ARSB: variants seen among roughly 807,000 people sequenced by gnomAD.
ARSB encodes the protein N-acetylgalactosamine-4-sulfatase.
Under a neutral mutation model 50.9 loss-of-function variants are expected in ARSB, and 41 were observed. The ratio of observed to expected loss-of-function variants is 0.81; its 90% confidence interval spans 0.63 to 1.04. ARSB has a LOEUF of 1.04. Among genes scored for constraint, ARSB ranks in the 50% least tolerant of loss-of-function variants. ARSB has a pLI of 0.00. For missense variants in ARSB, 672 were observed against 693.3 expected, an observed-to-expected ratio of 0.97 and a Z score of 0.35; for synonymous variants, 269 against 284.8, an observed-to-expected ratio of 0.94 and a Z score of 0.56.
At chr5:78,809,158 T>A (rs141814813) in intron 6 of ARSB, among the ~76,000 whole-genome samples, 55 of 152,346 alleles carry the variant, frequency 3.6e-4, no homozygotes, top group Non-Finnish European at 7.1e-4. Flanking sequence ...TCTATCATAA[T>A]GGGCTAGAGC....
chr5:78,961,980 T>C lies in ARSB; in HGVS notation c.690+2436A>G, dbSNP rs184140282. 4.3e-4 allele frequency among the ~76,000 whole-genome samples: 66 copies of C among 152,274 alleles called. No individual in the cohort carries two copies. In the East Asian group the frequency reaches 0.012, roughly 29 times the overall value. On this transcript the variant is annotated intron_variant, in intron 3 of 7. Transcript: ENST00000264914. ...TTATAAGTTTCCCAGATGATTCTAA[T>C]ATATGGTCAGGACTGAAATCATTAA...
intron 1 of ARSB, among the ~76,000 whole-genome samples, chr5:78,976,644 A>G (rs902004838): frequency 6.6e-6 from 1 of 152,188 alleles, no homozygotes; most frequent in Non-Finnish European, 1.5e-5. Context: ...GAGAATATGT[A>G]CAATTAATTC....
At chr5:78,921,027 C>G (rs1039942274) in intron 4 of ARSB, among the ~76,000 whole-genome samples, 4 of 152,118 alleles carry the variant, frequency 2.6e-5, no homozygotes, top group Non-Finnish European at 5.9e-5. Context: ...AGTCTCTCCA[C>G]TCTCTCATAA....
chr5:78,969,268 C>T, intron 1 of ARSB, 76 bp from the exon 2 acceptor site: 2 of 1,477,680 alleles, frequency 1.4e-6, no homozygotes, highest in Middle Eastern at 2.1e-4. Context: ...TGGCCTTCTA[C>T]CTTACTGATC....
chr5:78,897,525 T>C (rs1057187863), intron 4 of ARSB, among the ~76,000 whole-genome samples: 1 of 152,212 alleles, frequency 6.6e-6, no homozygotes, highest in Non-Finnish European at 1.5e-5. Context: ...TAACAGCATA[T>C]GGAAAGAGGT....
chr5:78,975,021 C>T (rs1752606924), intron 1 of ARSB, among the ~76,000 whole-genome samples: 1 of 152,238 alleles, frequency 6.6e-6, no homozygotes, highest in African/African-American at 2.4e-5. Context: ...CAGCTCCCTC[C>T]TCCTGTGCCT....
At chr5:78,882,096 TG>T (rs1276783453) in intron 5 of ARSB, among the ~76,000 whole-genome samples, 1 of 152,246 alleles carries the variant, frequency 6.6e-6, no homozygotes, top group Non-Finnish European at 1.5e-5. Flanking sequence ...CTTCTGGATG[TG>T]GGGTTGGACC....
chr5:78,800,362 G>A (rs1026242154), intron 6 of ARSB, among the ~76,000 whole-genome samples: 1 of 149,736 alleles, frequency 6.7e-6, no homozygotes. Flanking sequence ...AGCAAAGTAG[G>A]AAGCTGTGCA....
chr5:78,933,113 G>A (rs1456869606), intron 4 of ARSB, among the ~76,000 whole-genome samples: 2 of 152,186 alleles, frequency 1.3e-5, no homozygotes. Context: ...TTTTATATGT[G>A]CGTAAACACA....
intron 6 of ARSB, among the ~76,000 whole-genome samples, chr5:78,818,670 G>T (rs1303300667): frequency 7.4e-6 from 1 of 134,510 alleles, no homozygotes; most frequent in Non-Finnish European, 1.5e-5. Context: ...GGAGTGCAGT[G>T]GCGTGATCTC....
At chr5:78,872,667 G>C (rs1231232171) in intron 5 of ARSB, among the ~76,000 whole-genome samples, 1 of 142,728 alleles carries the variant, frequency 7.0e-6, no homozygotes, top group Non-Finnish European at 1.5e-5. Context: ...GGACTGTGGT[G>C]GGGAGGGGGA....
chr5:78,858,483 G>C (rs1746265330), intron 5 of ARSB, among the ~76,000 whole-genome samples: 1 of 152,092 alleles, frequency 6.6e-6, no homozygotes. Flanking sequence ...TCACAGCACT[G>C]TCCATTTATA....
intron 5 of ARSB, among the ~76,000 whole-genome samples, chr5:78,850,978 C>T (rs9765665): frequency 0.017 from 2,558 of 152,256 alleles, 66 homozygotes; most frequent in African/African-American, 0.058. Flanking sequence ...TGCTAGCGGT[C>T]TATCAATTTT....
At chr5:78,797,101 A>C (rs1217627261) in intron 6 of ARSB, among the ~76,000 whole-genome samples, 3 of 152,066 alleles carry the variant, frequency 2.0e-5, no homozygotes, top group African/African-American at 7.2e-5. Flanking sequence ...GATGGTCTCG[A>C]TCTCCTGACC....
At chr5:78,824,070 C>G (rs1744338942) in intron 6 of ARSB, among the ~76,000 whole-genome samples, 1 of 152,156 alleles carries the variant, frequency 6.6e-6, no homozygotes, top group Non-Finnish European at 1.5e-5. Context: ...TTTAAAAGAG[C>G]CTGGCATCTC....
chr5:78,790,444 T>G (rs1308503619), intron 6 of ARSB, among the ~76,000 whole-genome samples: 1 of 152,180 alleles, frequency 6.6e-6, no homozygotes, highest in Non-Finnish European at 1.5e-5. Context: ...CAGGCAACTT[T>G]TTAAACTTCC....
At chr5:78,852,333 T>A (rs916080744) in intron 5 of ARSB, among the ~76,000 whole-genome samples, 3 of 152,200 alleles carry the variant, frequency 2.0e-5, no homozygotes, top group Admixed American at 2.0e-4. Context: ...TTTGGCTGGA[T>A]ATGAAATTCT....
intron 5 of ARSB, among the ~76,000 whole-genome samples, chr5:78,879,364 C>T (rs1747637723): frequency 6.6e-6 from 1 of 152,172 alleles, no homozygotes; most frequent in African/African-American, 2.4e-5. Flanking sequence ...CAAACATAGT[C>T]TGTGGCTTGC....
chr5:78,908,349 C>A (rs1301356427), intron 4 of ARSB, among the ~76,000 whole-genome samples: 2 of 152,096 alleles, frequency 1.3e-5, no homozygotes, highest in Non-Finnish European at 2.9e-5. Flanking sequence ...ACAAAATAAA[C>A]AGAACAATCT....
Sources: gnomAD v4.1 joint callset for allele counts (sites outside exome capture counted in the v4.1 genomes callset) on GRCh38, gnomAD v4.1.1 for gene constraint, MANE v1.5 for transcripts, NCBI Gene and HGNC (gene_info 2026-07-23, HGNC 2026-07-21) for gene names.